Variants in EFHD1 observed in about 807,000 individuals in gnomAD.
EFHD1 encodes the protein EF-hand domain-containing protein D1.
A neutral mutation model predicts 17.2 loss-of-function variants in EFHD1; 10 were observed. The observed-to-expected ratio is 0.58, with a 90% CI of 0.36 to 0.99. EFHD1 has a LOEUF of 0.99. Ranked by LOEUF, EFHD1 falls within the 50% of genes least tolerant of loss-of-function variation. EFHD1 has a pLI of 0.01. For missense variants in EFHD1, 310 were observed against 327.5 expected (o/e 0.95, Z 0.41); for synonymous variants, 153 against 142.0 (o/e 1.08, Z -0.55).
chr2:232,613,308 C>T (rs529054644), intron 1 of EFHD1, among the ~76,000 whole-genome samples: 174 of 151,962 alleles, frequency 1.1e-3, no homozygotes, highest in Non-Finnish European at 2.0e-3. Context: ...CCTGAAATCC[C>T]AGCTACCCCA....
chr2:232,662,397 G>T (rs1694888913), intron 1 of EFHD1, among the ~76,000 whole-genome samples: 1 of 152,130 alleles, frequency 6.6e-6, no homozygotes, highest in South Asian at 2.1e-4. Context: ...GAGGCTCCTG[G>T]AATTGCCAGC....
chr2:232,643,294 T>A (rs145977842), intron 1 of EFHD1, among the ~76,000 whole-genome samples: 2,039 of 152,210 alleles, frequency 0.013, 39 homozygotes, highest in African/African-American at 0.046. Flanking sequence ...TAGTTTCCAT[T>A]CCCTGAGGGA....
intron 1 of EFHD1, chr2:232,612,018 T>C (rs991690579): frequency 2.0e-4 from 30 of 152,316 alleles, no homozygotes; most frequent in African/African-American, 6.5e-4. Flanking sequence ...TGGATTATGA[T>C]GTCAGAGTTT....
chr2:232,673,801 T>C (rs1038485125), intron 3 of EFHD1, among the ~76,000 whole-genome samples: 6 of 152,316 alleles, frequency 3.9e-5, no homozygotes, highest in Admixed American at 2.0e-4. Context: ...AGTGGCAGAA[T>C]CTTGGCTCAC....
chr2:232,608,714 A>C (rs1418826008), intron 1 of EFHD1, among the ~76,000 whole-genome samples: 1 of 152,026 alleles, frequency 6.6e-6, no homozygotes, highest in Non-Finnish European at 1.5e-5. Context: ...GCGGAAAATG[A>C]GGTCAGGAGT....
intron 1 of EFHD1, among the ~76,000 whole-genome samples, chr2:232,639,677 C>G (rs1559344713): frequency 6.6e-6 from 1 of 152,044 alleles, no homozygotes; most frequent in Non-Finnish European, 1.5e-5. Flanking sequence ...TAGTGGGTCT[C>G]CAAAGATGTG....
intron 1 of EFHD1, among the ~76,000 whole-genome samples, chr2:232,618,015 T>A (rs1319481115): frequency 6.6e-6 from 1 of 151,008 alleles, no homozygotes; most frequent in Non-Finnish European, 1.5e-5. Flanking sequence ...TAAACCAATT[T>A]AATTTAATTT....
At chr2:232,625,189 C>A (rs1387221180) in intron 1 of EFHD1, among the ~76,000 whole-genome samples, 1 of 152,134 alleles carries the variant, frequency 6.6e-6, no homozygotes. Flanking sequence ...AGTGCAGTGG[C>A]GCAATCACAG....
At chr2:232,637,875 A>G (rs927483292) in intron 1 of EFHD1, among the ~76,000 whole-genome samples, 4 of 152,196 alleles carry the variant, frequency 2.6e-5, no homozygotes, top group African/African-American at 9.6e-5. Context: ...CAAGGCTTAA[A>G]AAAACTGGAT....
chr2:232,613,979 C>T (rs1004750738), intron 1 of EFHD1, among the ~76,000 whole-genome samples: 35 of 151,850 alleles, frequency 2.3e-4, no homozygotes, highest in African/African-American at 6.0e-4. Flanking sequence ...CGTGAATACA[C>T]ACACACATAC....
At chr2:232,633,156 C>T (rs930559462), upstream of EFHD1, 2 of 152,266 alleles carry the variant, frequency 1.3e-5, no homozygotes, top group African/African-American at 4.8e-5. Flanking sequence ...CTCCCTGACC[C>T]CGGGGAGGGT....
chr2:232,633,519 C>T, upstream of EFHD1: 1 of 1,274,610 alleles, frequency 7.8e-7, no homozygotes, highest in Non-Finnish European at 9.9e-7. Flanking sequence ...CTGGCGCCTC[C>T]TTAAAGCCGC....
rs1440567564 is a variant in EFHD1, at chr2:232,613,755, TACGCACACAC to T, written c.14+7584_14+7593del. Among the ~76,000 whole-genome samples the T allele has an allele frequency of 6.8e-4, 97 of 142,746 alleles. 1 individual carries two copies. Among genetic ancestry groups the T allele is most frequent in the African/African-American group, 2.5e-3 (95 of 38,170 alleles). The allele number at this position is 142,746 out of a possible 152,430, so 93.6% of individuals were successfully genotyped here. On this transcript the variant is annotated intron_variant, in intron 1 of 3. Transcript: ENST00000409613. ...ATACGCACACACATACACACACAAA[TACGCACACAC>T]ATACACACACAAATATACACACACA...
upstream of EFHD1, chr2:232,633,343 A>G: frequency 2.1e-6 from 1 of 486,122 alleles, no homozygotes; most frequent in Non-Finnish European, 2.8e-6. Flanking sequence ...CGGAGCTGAC[A>G]GGGGCAGCAA....
At chr2:232,656,091 C>T (rs1178964344) in intron 1 of EFHD1, among the ~76,000 whole-genome samples, 3 of 152,142 alleles carry the variant, frequency 2.0e-5, no homozygotes, top group African/African-American at 7.2e-5. Context: ...CAGGCGTGAG[C>T]CACCGTGCCC....
At chr2:232,654,338 G>A (rs1694715387) in intron 1 of EFHD1, among the ~76,000 whole-genome samples, 1 of 151,784 alleles carries the variant, frequency 6.6e-6, no homozygotes, top group African/African-American at 2.4e-5. Flanking sequence ...GGGCCTGAAA[G>A]GAAGGTTTCC....
chr2:232,660,893 G>A (rs1293915916), intron 1 of EFHD1, among the ~76,000 whole-genome samples: 2 of 152,000 alleles, frequency 1.3e-5, no homozygotes, highest in Non-Finnish European at 2.9e-5. Context: ...CAGGAGAATC[G>A]CTTAAACCCA....
At chr2:232,624,238 C>A (rs542029626) in intron 1 of EFHD1, among the ~76,000 whole-genome samples, 1 of 152,154 alleles carries the variant, frequency 6.6e-6, no homozygotes, top group Non-Finnish European at 1.5e-5. Context: ...ACCCAGGGAA[C>A]CCAGGTCTTT....
At chr2:232,625,507 G>A (rs371684779) in intron 1 of EFHD1, among the ~76,000 whole-genome samples, 13 of 152,158 alleles carry the variant, frequency 8.5e-5, no homozygotes, top group African/African-American at 2.4e-4. Flanking sequence ...CCCAAAAGCC[G>A]CTTAGGATGG....
Sources: gnomAD v4.1 joint callset for allele counts (sites outside exome capture counted in the v4.1 genomes callset) on GRCh38, gnomAD v4.1.1 for gene constraint, MANE v1.5 for transcripts, NCBI Gene and HGNC (gene_info 2026-07-23, HGNC 2026-07-21) for gene names.